Variants in KCTD8 observed in about 807,000 individuals in gnomAD.
KCTD8 encodes the protein BTB/POZ domain-containing protein KCTD8.
In KCTD8, 27 loss-of-function variants were observed where a neutral mutation model predicts 31.5. That is an observed-to-expected ratio of 0.86 (90% CI 0.63 to 1.18). The LOEUF (loss-of-function observed/expected upper bound fraction) is 1.18. Ranked by LOEUF, KCTD8 falls within the 50% of genes most tolerant of loss-of-function variation. KCTD8 has a pLI of 0.00. For synonymous variants in KCTD8, 290 were observed against 280.0 expected (o/e 1.04, Z -0.36); for missense variants, 658 against 647.7 (o/e 1.02, Z -0.17).
chr4:44,200,161 T>TAA (rs537266889), intron 1 of KCTD8, among the ~76,000 whole-genome samples: 4 of 142,264 alleles, frequency 2.8e-5, no homozygotes, highest in Non-Finnish European at 4.7e-5. Context: ...AATGTTATAA[T>TAA]AAAAAAAAAA....
intron 1 of KCTD8, among the ~76,000 whole-genome samples, chr4:44,208,999 G>C (rs1294881488): frequency 6.6e-6 from 1 of 152,024 alleles, no homozygotes; most frequent in Non-Finnish European, 1.5e-5. Context: ...CTTGGATATA[G>C]ATTTTATTTG....
chr4:44,214,800 C>A (rs1368217075), intron 1 of KCTD8, among the ~76,000 whole-genome samples: 1 of 152,124 alleles, frequency 6.6e-6, no homozygotes, highest in African/African-American at 2.4e-5. Context: ...GACAAGACTG[C>A]CTTTTCAGAA....
Position 44,436,042 on chromosome 4 carries a change from T to C in KCTD8, c.961+11521A>G, listed in dbSNP as rs188027446. Among the ~76,000 whole-genome samples the C allele has an allele frequency of 2.6e-5, 4 of 152,224 alleles. No homozygotes were observed. In the East Asian group the frequency reaches 7.7e-4, roughly 29 times the overall value. On this transcript the variant is annotated intron_variant, in intron 1 of 1. Coordinates refer to ENST00000360029, the MANE Select transcript of KCTD8 (RefSeq NM_198353.3). ...TGGTAATACTTGAATCAGGCAATTG[T>C]ATTCAATCATACAACTATCAAATAA... is the stretch of plus-strand genomic sequence containing the variant.
At chr4:44,397,321 G>A (rs1419364966) in intron 1 of KCTD8, among the ~76,000 whole-genome samples, 5 of 152,000 alleles carry the variant, frequency 3.3e-5, no homozygotes, top group African/African-American at 1.2e-4. Context: ...CAAATATTGA[G>A]CCCATTTCTC....
At chr4:44,239,168 G>A (rs574308274) in intron 1 of KCTD8, among the ~76,000 whole-genome samples, 98 of 152,170 alleles carry the variant, frequency 6.4e-4, no homozygotes, top group East Asian at 3.9e-3. Context: ...CTGTAAAATC[G>A]AAAGCACAAT....
intron 1 of KCTD8, among the ~76,000 whole-genome samples, chr4:44,223,740 T>C (rs527420882): frequency 6.6e-6 from 1 of 152,312 alleles, no homozygotes; most frequent in African/African-American, 2.4e-5. Context: ...TCTTCTTTGT[T>C]TCCACAGTTG....
chr4:44,214,910 T>A lies in KCTD8; in HGVS notation c.962-39660A>T, dbSNP rs139352738. 3.6e-4 allele frequency among the ~76,000 whole-genome samples: 55 copies of A among 152,272 alleles called. No individual in the cohort carries two copies. In the East Asian group the frequency reaches 7.7e-3, roughly 21 times the overall value. ...CCCCAAATTGCTCCTGGGGAAAACATCACCATTGTAAAACCTAAGATCAGT... is the reference window on the plus strand; with the variant it reads ...CCCCAAATTGCTCCTGGGGAAAACAACACCATTGTAAAACCTAAGATCAGT... On this transcript the variant is annotated intron_variant, in intron 1 of 1. Coordinates refer to ENST00000360029, the MANE Select transcript of KCTD8 (RefSeq NM_198353.3).
At chr4:44,247,693 A>T (rs968439438) in intron 1 of KCTD8, among the ~76,000 whole-genome samples, 6 of 151,882 alleles carry the variant, frequency 4.0e-5, no homozygotes, top group African/African-American at 1.2e-4. Context: ...TAGGTATCTC[A>T]TATAAGTGGA....
At chr4:44,188,624 A>C (rs1713665292) in intron 1 of KCTD8, among the ~76,000 whole-genome samples, 1 of 152,186 alleles carries the variant, frequency 6.6e-6, no homozygotes, top group Non-Finnish European at 1.5e-5. Context: ...GAGGTAATTA[A>C]GGATTTCGAG....
chr4:44,213,641 A>G (rs1031777905), intron 1 of KCTD8, among the ~76,000 whole-genome samples: 1 of 152,142 alleles, frequency 6.6e-6, no homozygotes, highest in Non-Finnish European at 1.5e-5. Context: ...AGAATGAAAA[A>G]TCCCTGTGGT....
rs118163787 is a variant in KCTD8 at position 44,261,250 on chromosome 4, T to C, written c.962-86000A>G. Among the ~76,000 whole-genome samples, 414 of 152,062 alleles carry C rather than the reference T, an allele frequency of 2.7e-3. 16 individuals are homozygous for C. In the East Asian group the frequency reaches 0.069, roughly 25 times the overall value. On this transcript the variant is annotated intron_variant, in intron 1 of 1. Coordinates refer to ENST00000360029, the MANE Select transcript of KCTD8 (RefSeq NM_198353.3). ...ATTTGGGAGGAAAAAATGAAGTGTTTGGCCTTGGATGCATTAAGTGTTAAA... is the reference window on the plus strand; with the variant it reads ...ATTTGGGAGGAAAAAATGAAGTGTTCGGCCTTGGATGCATTAAGTGTTAAA...
At chr4:44,221,347 ATGTGTG>A (rs35222595) in intron 1 of KCTD8, among the ~76,000 whole-genome samples, 8 of 148,278 alleles carry the variant, frequency 5.4e-5, no homozygotes, top group African/African-American at 7.4e-5. Context: ...GTGTGTGTGC[ATGTGTG>A]TGTGTGTGTG....
chr4:44,376,154 G>A (rs1719911599), intron 1 of KCTD8, among the ~76,000 whole-genome samples: 1 of 152,096 alleles, frequency 6.6e-6, no homozygotes, highest in Non-Finnish European at 1.5e-5. Context: ...CAGTTATTTT[G>A]TGGACCGTGC....
At chr4:44,244,561 C>T (rs932995315) in intron 1 of KCTD8, among the ~76,000 whole-genome samples, 17 of 152,054 alleles carry the variant, frequency 1.1e-4, no homozygotes, top group African/African-American at 4.1e-4. Context: ...GCTCTTTTCC[C>T]CAAAGTCAGA....
At chr4:44,441,554 A>G (rs921440997) in intron 1 of KCTD8, among the ~76,000 whole-genome samples, 1 of 152,188 alleles carries the variant, frequency 6.6e-6, no homozygotes, top group Non-Finnish European at 1.5e-5. Flanking sequence ...ACTGAAATAT[A>G]TTTGCCAAAT....
intron 1 of KCTD8, among the ~76,000 whole-genome samples, chr4:44,357,433 T>C (rs918788145): frequency 5.3e-5 from 8 of 152,160 alleles, no homozygotes; most frequent in African/African-American, 1.2e-4. Flanking sequence ...AGAGTAATTA[T>C]AGATAAAACC....
At chr4:44,404,233 C>CT (rs1458964128) in intron 1 of KCTD8, among the ~76,000 whole-genome samples, 1 of 152,176 alleles carries the variant, frequency 6.6e-6, no homozygotes. Context: ...TGGCAGCCAG[C>CT]TTTTTAAGTT....
At chr4:44,278,299 A>G (rs903649001) in intron 1 of KCTD8, among the ~76,000 whole-genome samples, 1 of 151,970 alleles carries the variant, frequency 6.6e-6, no homozygotes, top group Non-Finnish European at 1.5e-5. Flanking sequence ...TCTCTACACA[A>G]TATGTCCCCA....
intron 1 of KCTD8, among the ~76,000 whole-genome samples, chr4:44,328,168 G>A (rs978884009): frequency 5.3e-5 from 8 of 151,860 alleles, no homozygotes; most frequent in African/African-American, 1.9e-4. Context: ...ACATCAACAT[G>A]AAAGTAAACC....
Sources: allele counts gnomAD v4.1 joint callset (sites outside exome capture counted in the v4.1 genomes callset), GRCh38; gene constraint gnomAD v4.1.1; transcripts MANE v1.5; gene names NCBI Gene and HGNC (gene_info 2026-07-23, HGNC 2026-07-21).